SLC30A7: variants seen among roughly 807,000 people sequenced by gnomAD.
The protein encoded by SLC30A7 is zinc transporter 7.
A neutral mutation model predicts 46.0 loss-of-function variants in SLC30A7; 35 were observed. That is an observed-to-expected ratio of 0.76 (90% CI 0.58 to 1.01). SLC30A7 has a LOEUF of 1.01. Among genes scored for constraint, SLC30A7 ranks in the 50% least tolerant of loss-of-function variants. The pLI, the probability that SLC30A7 is intolerant of heterozygous loss-of-function variation, is 0.00. For synonymous variants in SLC30A7, 147 were observed against 157.8 expected (o/e 0.93, Z 0.51); for missense variants, 464 against 451.1 (o/e 1.03, Z -0.26).
At chr1:100,925,013 C>T (rs531248315) in intron 8 of SLC30A7, among the ~76,000 whole-genome samples, 19 of 152,322 alleles carry the variant, frequency 1.2e-4, no homozygotes, top group South Asian at 1.2e-3. Flanking sequence ...ATAAATTAGA[C>T]GGCTCAAATG....
chr1:100,930,449 A>G (rs938143871), intron 8 of SLC30A7, among the ~76,000 whole-genome samples: 11 of 152,082 alleles, frequency 7.2e-5, no homozygotes, highest in African/African-American at 2.7e-4. Flanking sequence ...ATTCTAAATT[A>G]TAAGAAATCA....
the SLC30A7 span, among the ~76,000 whole-genome samples, chr1:100,991,176 T>C: frequency 1.3e-5 from 2 of 152,366 alleles, no homozygotes; most frequent in South Asian, 2.1e-4. Context: ...ATGAGACTAG[T>C]AGACTATAGA....
At chr1:100,909,440 G>A (rs974877596) in intron 3 of SLC30A7, among the ~76,000 whole-genome samples, 11 of 152,046 alleles carry the variant, frequency 7.2e-5, no homozygotes, top group African/African-American at 1.4e-4. Context: ...ACATACATGC[G>A]TATATACATA....
rs1164666076 is a variant in SLC30A7, at chr1:100,956,586, C to T, written c.843-5242C>T. On this transcript the variant is annotated intron_variant, in intron 8 of 10. Coordinates refer to ENST00000357650, the MANE Select transcript of SLC30A7 (RefSeq NM_133496.5). ...AAGGATTATTATAGATGGGATTCAC[C>T]ATCTGTTACTGTGTTTAGCTCCTTG... Among the ~76,000 whole-genome samples the T allele has an allele frequency of 2.0e-5, 3 of 152,076 alleles. No individual in the cohort carries two copies. In the East Asian group the frequency reaches 5.8e-4, roughly 29 times the overall value.
intron 2 of SLC30A7, among the ~76,000 whole-genome samples, chr1:100,904,261 A>G (rs1651498823): frequency 6.6e-6 from 1 of 152,180 alleles, no homozygotes; most frequent in Non-Finnish European, 1.5e-5. Context: ...CTTCTCTTCA[A>G]GTTCACGGAT....
chr1:100,976,195 A>G lies in SLC30A7; in HGVS notation c.*1338A>G, dbSNP rs1656494353. On this transcript the variant is annotated 3_prime_UTR_variant, in exon 11 of 11. Transcript: ENST00000357650. ...ATATCTTTCCTTGCCATTTCTATGG[A>G]TTTTATAATGAAAGAAAAAGGCATT... The G allele has an allele frequency of 6.6e-6, 1 of 152,116 alleles. No individual in the cohort carries two copies. The allele number at this position is 152,116 out of a possible 1,614,324, so 9.4% of individuals were successfully genotyped here. A position where few individuals can be genotyped will look rare whatever the true frequency, so the allele number is the denominator to read the frequency against.
At chr1:100,965,015 T>G (rs933366452) in intron 9 of SLC30A7, among the ~76,000 whole-genome samples, 1 of 152,198 alleles carries the variant, frequency 6.6e-6, no homozygotes, top group Admixed American at 6.5e-5. Context: ...TTGATAGATA[T>G]AAGATCAACA....
chr1:100,896,112 G>C lies in SLC30A7; in HGVS notation c.-151G>C. 1.5e-6 allele frequency: 1 copy of C among 674,616 alleles called. No homozygotes were observed. The highest frequency in any genetic ancestry group is 2.7e-6 in the Non-Finnish European group (1 of 376,938). The allele number at this position is 674,616 out of a possible 1,614,324, so 41.8% of individuals were successfully genotyped here. A position where few individuals can be genotyped will look rare whatever the true frequency, so the allele number is the denominator to read the frequency against. On this transcript the variant is annotated 5_prime_UTR_variant, in exon 1 of 11. Coordinates refer to ENST00000357650, the MANE Select transcript of SLC30A7 (RefSeq NM_133496.5). ...GCCGGAAGTAAGCGAATTCCCGGGTGTGTGTCTGTGTCTGTCTGTGTCTCG... is the reference window on the plus strand; with the variant it reads ...GCCGGAAGTAAGCGAATTCCCGGGTCTGTGTCTGTGTCTGTCTGTGTCTCG...
rs1280602984 is a variant in SLC30A7 at position 100,977,624 on chromosome 1, G to A, written c.*2767G>A. 1 of 152,028 alleles carries A rather than the reference G, an allele frequency of 6.6e-6. No individual in the cohort carries two copies. The highest frequency in any genetic ancestry group is 2.4e-5 in the African/African-American group (1 of 41,384). The allele number at this position is 152,028 out of a possible 1,614,324, so 9.4% of individuals were successfully genotyped here. ...AAAACTCGTATCTGAGTGTAACTTT[G>A]CCAATATTTTAAAAGCCAAAATATT... is the stretch of plus-strand genomic sequence containing the variant. On this transcript the variant is annotated 3_prime_UTR_variant, in exon 11 of 11. Transcript: ENST00000357650.
intron 3 of SLC30A7, among the ~76,000 whole-genome samples, chr1:100,909,043 A>ATGTGTG (rs72292631): frequency 7.4e-4 from 109 of 148,258 alleles, no homozygotes; most frequent in Middle Eastern, 3.4e-3. Context: ...TCCTCTCTTT[A>ATGTGTG]TGTGTGTGTG....
Position 100,980,832 on chromosome 1 carries a change from CCAGA to C in SLC30A7, c.*5979_*5982del, listed in dbSNP as rs974470807. The C allele has an allele frequency of 9.2e-5, 14 of 151,942 alleles. No individual in the cohort carries two copies. The highest frequency in any genetic ancestry group is 5.9e-4 in the Admixed American group (9 of 15,238). The allele number at this position is 151,942 out of a possible 1,614,324, so 9.4% of individuals were successfully genotyped here. ...ATATTTTGTATGGCCAAATCAGGAA[CCAGA>C]CAGTCTCCATAGTCTCCTTTGTTTT... On this transcript the variant is annotated 3_prime_UTR_variant, in exon 11 of 11. Coordinates refer to ENST00000357650, the MANE Select transcript of SLC30A7 (RefSeq NM_133496.5).
chr1:100,896,743 A>G (rs1351461570), intron 2 of SLC30A7, 72 bp downstream of exon 2: 3 of 1,284,714 alleles, frequency 2.3e-6, no homozygotes, highest in Middle Eastern at 1.8e-4. Context: ...GCTTAATGCC[A>G]CGTAGCTCCT....
At chr1:100,943,958 A>G (rs1654485970) in intron 8 of SLC30A7, among the ~76,000 whole-genome samples, 1 of 152,264 alleles carries the variant, frequency 6.6e-6, no homozygotes, top group African/African-American at 2.4e-5. Context: ...TAATTTTGAA[A>G]AGAAACACTG....
chr1:100,951,168 A>G (rs1372576400), intron 8 of SLC30A7, among the ~76,000 whole-genome samples: 1 of 152,186 alleles, frequency 6.6e-6, no homozygotes, highest in Non-Finnish European at 1.5e-5. Flanking sequence ...GGTTAGAGAA[A>G]GATGTTAGGT....
At chr1:100,946,346 G>T (rs1654634291) in intron 8 of SLC30A7, among the ~76,000 whole-genome samples, 1 of 152,092 alleles carries the variant, frequency 6.6e-6, no homozygotes, top group Non-Finnish European at 1.5e-5. Context: ...GGTGAGAGGG[G>T]GTATCCTTGT....
At chr1:100,957,729 GA>G (rs78462610) in intron 8 of SLC30A7, among the ~76,000 whole-genome samples, 2 of 151,922 alleles carry the variant, frequency 1.3e-5, no homozygotes, top group Non-Finnish European at 2.9e-5. Flanking sequence ...AGGTAGGTAG[GA>G]AAAAAACCTT....
chr1:100,993,559 AATATATATATATATATATATAT>A, the SLC30A7 span, among the ~76,000 whole-genome samples: 14,891 of 56,914 alleles, frequency 0.26, 2,027 homozygotes, highest in Middle Eastern at 0.39. Flanking sequence ...CGAAAATATA[AATATATATATATATATATATAT>A]ATATATATAT....
intron 10 of SLC30A7, among the ~76,000 whole-genome samples, chr1:100,974,540 T>C (rs954576854): frequency 1.3e-5 from 2 of 152,186 alleles, no homozygotes; most frequent in Admixed American, 6.5e-5. Flanking sequence ...ACAGAGTAAC[T>C]GTAGAAGGTG....
intron 6 of SLC30A7, among the ~76,000 whole-genome samples, chr1:100,915,918 A>T (rs1652513886): frequency 6.6e-6 from 1 of 152,108 alleles, no homozygotes; most frequent in African/African-American, 2.4e-5. Context: ...TTTTCTCTAC[A>T]GCTTTCCCAA....
Sources: allele counts gnomAD v4.1 joint callset (sites outside exome capture counted in the v4.1 genomes callset), GRCh38; gene constraint gnomAD v4.1.1; transcripts MANE v1.5; gene names NCBI Gene and HGNC (gene_info 2026-07-23, HGNC 2026-07-21).